Variants in DLGAP2 observed in about 807,000 individuals in gnomAD.
The protein encoded by DLGAP2 is DLG associated protein 2, also known as disks large-associated protein 2.
Under a neutral mutation model 100.3 loss-of-function variants are expected in DLGAP2, and 26 were observed. The observed-to-expected ratio is 0.26, with a 90% CI of 0.19 to 0.36. The LOEUF is 0.36. DLGAP2 is among the 10% of genes least tolerant of loss of function. DLGAP2 has a pLI of 1.00. For synonymous variants in DLGAP2, 886 were observed against 630.1 expected (o/e 1.41, Z -6.08); for missense variants, 1,858 against 1,453.2 (o/e 1.28, Z -4.53).
intron 1 of DLGAP2, among the ~76,000 whole-genome samples, chr8:818,380 T>C (rs1320101532): frequency 6.6e-6 from 1 of 152,176 alleles, no homozygotes; most frequent in Non-Finnish European, 1.5e-5. Context: ...ACCGAGTCTA[T>C]TTCCAGGCAG....
intron 1 of DLGAP2, among the ~76,000 whole-genome samples, chr8:902,363 G>A (rs576401782): frequency 6.6e-6 from 1 of 150,568 alleles, no homozygotes; most frequent in Non-Finnish European, 1.5e-5. Context: ...GCGGGGGCTG[G>A]GGGGGCACTC....
At chr8:1,205,951 G>A (rs1224794284) in intron 2 of DLGAP2, among the ~76,000 whole-genome samples, 2 of 152,296 alleles carry the variant, frequency 1.3e-5, no homozygotes, top group African/African-American at 2.4e-5. Context: ...CCAGGAGAGT[G>A]ACTACAGCCT....
At chr8:1,229,578 T>C (rs1040414198) in intron 2 of DLGAP2, among the ~76,000 whole-genome samples, 1 of 152,262 alleles carries the variant, frequency 6.6e-6, no homozygotes, top group African/African-American at 2.4e-5. Context: ...GTGACCTTTG[T>C]CATTTCTGAT....
At chr8:1,009,569 G>A (rs149149542) in intron 2 of DLGAP2, among the ~76,000 whole-genome samples, 2,081 of 152,326 alleles carry the variant, frequency 0.014, 23 homozygotes, top group Middle Eastern at 0.024. Flanking sequence ...AGCTCACACT[G>A]TTCATAGTGG....
intron 3 of DLGAP2, among the ~76,000 whole-genome samples, chr8:1,437,064 T>A (rs1388134529): frequency 1.3e-5 from 2 of 151,420 alleles, no homozygotes; most frequent in African/African-American, 4.9e-5. Flanking sequence ...GCCATCCGGG[T>A]CTGCGTTCAG....
rs114831457 is a variant in DLGAP2 at position 942,821 on chromosome 8, A to G, written c.73+34855A>G. Among the ~76,000 whole-genome samples, 1,396 of 152,330 alleles carry G rather than the reference A, an allele frequency of 9.2e-3. 27 individuals carry two copies. Among genetic ancestry groups the G allele is most frequent in the African/African-American group, 0.032 (1,348 of 41,562 alleles). Reference sequence around the variant, plus strand: ...GTAGAATTCATTACAGTGAAAAGACATAGAGCTAAGCCAGCAAAGGGAAAA... The same window carrying G: ...GTAGAATTCATTACAGTGAAAAGACGTAGAGCTAAGCCAGCAAAGGGAAAA... On this transcript the variant is annotated intron_variant, in intron 2 of 14. Transcript: ENST00000637795.
chr8:864,733 G>A (rs1232292754), intron 1 of DLGAP2, among the ~76,000 whole-genome samples: 4 of 152,146 alleles, frequency 2.6e-5, no homozygotes, highest in African/African-American at 4.8e-5. Context: ...TCAGAAGCAG[G>A]TGCACCTGTC....
chr8:744,246 G>C (rs1037284491), intron 1 of DLGAP2, among the ~76,000 whole-genome samples: 1 of 152,084 alleles, frequency 6.6e-6, no homozygotes, highest in Non-Finnish European at 1.5e-5. Context: ...CACGAGATTG[G>C]GTTGGGAAGG....
At chr8:1,479,130 G>T (rs541644506) in intron 3 of DLGAP2, among the ~76,000 whole-genome samples, 1 of 152,388 alleles carries the variant, frequency 6.6e-6, no homozygotes, top group African/African-American at 2.4e-5. Flanking sequence ...GCAACGCTGG[G>T]ACAGCAGCCA....
At chr8:1,093,813 C>G (rs1804274997) in intron 2 of DLGAP2, among the ~76,000 whole-genome samples, 1 of 152,268 alleles carries the variant, frequency 6.6e-6, no homozygotes, top group Non-Finnish European at 1.5e-5. Flanking sequence ...GGGCAGGCAC[C>G]TGCTGCTTCT....
chr8:1,420,231 C>G (rs964340383), intron 3 of DLGAP2, among the ~76,000 whole-genome samples: 84 of 152,110 alleles, frequency 5.5e-4, no homozygotes, highest in African/African-American at 1.9e-3. Context: ...AGCGTAAACT[C>G]AGGTGTGGTT....
intron 2 of DLGAP2, among the ~76,000 whole-genome samples, chr8:1,067,604 C>CGTGTGTGTGTGTGT (rs3220190): frequency 7.3e-4 from 103 of 140,402 alleles, no homozygotes; most frequent in Non-Finnish European, 1.1e-3. Context: ...GGTTGAGTGA[C>CGTGTGTGTGTGTGT]GTGTGTGTGT....
At chr8:1,161,428 G>A in intron 2 of DLGAP2, among the ~76,000 whole-genome samples, 1 of 152,186 alleles carries the variant, frequency 6.6e-6, no homozygotes, top group Non-Finnish European at 1.5e-5. Context: ...GAGATCAAAA[G>A]GCTTTAAATG....
In DLGAP2 at chr8:1,534,187, A is replaced by C. The variant is rs557296251; in HGVS notation, c.173-14439A>C. On this transcript the variant is annotated intron_variant, in intron 4 of 14. Coordinates refer to ENST00000637795, the MANE Select transcript of DLGAP2 (RefSeq NM_001346810.2). ...GTTGGTTTAAATTAAGGAGCCCCTGATCTTGTTTCAAAGGAAACTCAGGAA... is the reference window on the plus strand; with the variant it reads ...GTTGGTTTAAATTAAGGAGCCCCTGCTCTTGTTTCAAAGGAAACTCAGGAA... 6.6e-5 allele frequency among the ~76,000 whole-genome samples: 10 copies of C among 152,352 alleles called. No homozygotes were observed. The East Asian group carries it at 1.5e-3, about 24-fold the overall frequency.
intron 1 of DLGAP2, among the ~76,000 whole-genome samples, chr8:812,546 T>C (rs11137105): frequency 0.23 from 34,440 of 152,168 alleles, 4,619 homozygotes; most frequent in Non-Finnish European, 0.31. Context: ...GACAGTGTCA[T>C]TAGAGAAGGT....
At chr8:936,468 G>A (rs1489586345) in intron 2 of DLGAP2, among the ~76,000 whole-genome samples, 9 of 152,166 alleles carry the variant, frequency 5.9e-5, no homozygotes, top group Admixed American at 4.6e-4. Context: ...AAGCCCAGCC[G>A]CCTCTCCCTC....
At chr8:1,391,292 A>G (rs1796345859) in intron 3 of DLGAP2, among the ~76,000 whole-genome samples, 1 of 152,232 alleles carries the variant, frequency 6.6e-6, no homozygotes, top group African/African-American at 2.4e-5. Context: ...ACAAGAAAGC[A>G]AACGGCCTGA....
At chr8:1,579,783 C>G (rs1164515715) in intron 6 of DLGAP2, among the ~76,000 whole-genome samples, 2 of 152,216 alleles carry the variant, frequency 1.3e-5, no homozygotes, top group Non-Finnish European at 2.9e-5. Flanking sequence ...TATTGTGTTA[C>G]ATATCGTTGC....
chr8:1,408,741 G>A (rs1796645457), intron 3 of DLGAP2, among the ~76,000 whole-genome samples: 1 of 152,134 alleles, frequency 6.6e-6, no homozygotes, highest in Admixed American at 6.5e-5. Flanking sequence ...AGCAGAACCC[G>A]GGAAAGCCAG....
Sources: allele counts gnomAD v4.1 joint callset (sites outside exome capture counted in the v4.1 genomes callset), GRCh38; gene constraint gnomAD v4.1.1; transcripts MANE v1.5; gene names NCBI Gene and HGNC (gene_info 2026-07-23, HGNC 2026-07-21).